The following FRMD4A variants were observed in gnomAD, a reference collection of about 807,000 sequenced individuals.
The protein encoded by FRMD4A is FERM domain-containing protein 4A.
Under a neutral mutation model 129.1 loss-of-function variants are expected in FRMD4A, and 29 were observed. The observed-to-expected ratio is 0.22, with a 90% CI of 0.17 to 0.31. FRMD4A has a LOEUF of 0.31. Ranked by LOEUF, FRMD4A falls within the 10% of genes least tolerant of loss-of-function variation. FRMD4A has a pLI of 1.00. For missense variants in FRMD4A, 1,272 were observed against 1,375.8 expected, an observed-to-expected ratio of 0.92 and a Z score of 1.19; for synonymous variants, 634 against 571.6, an observed-to-expected ratio of 1.11 and a Z score of -1.56.
At chr10:13,839,597 C>G (rs1424930711) in intron 3 of FRMD4A, among the ~76,000 whole-genome samples, 1 of 152,202 alleles carries the variant, frequency 6.6e-6, no homozygotes. Flanking sequence ...TTGTACAACA[C>G]TGAGAGCTTA....
chr10:14,104,533 T>C (rs955182123), intron 2 of FRMD4A, among the ~76,000 whole-genome samples: 2 of 152,262 alleles, frequency 1.3e-5, no homozygotes, highest in African/African-American at 2.4e-5. Flanking sequence ...AGCCTATCTA[T>C]GCCTTCCTGT....
chr10:14,138,957 G>T (rs1178667578), intron 2 of FRMD4A, among the ~76,000 whole-genome samples: 1 of 152,088 alleles, frequency 6.6e-6, no homozygotes, highest in Non-Finnish European at 1.5e-5. Context: ...GGAATGACTG[G>T]CTACCCCTGC....
At chr10:14,035,365 T>C (rs1159155195) in intron 2 of FRMD4A, among the ~76,000 whole-genome samples, 1 of 147,638 alleles carries the variant, frequency 6.8e-6, no homozygotes, top group Non-Finnish European at 1.5e-5. Context: ...TGAGCCAAGA[T>C]CACGCCATTA....
chr10:13,742,917 T>A (rs1360236373), intron 9 of FRMD4A, among the ~76,000 whole-genome samples: 1 of 152,206 alleles, frequency 6.6e-6, no homozygotes, highest in Admixed American at 6.5e-5. Context: ...GGTAACAGGT[T>A]CTACACATTC....
At chr10:14,045,671 T>C (rs11258821) in intron 2 of FRMD4A, among the ~76,000 whole-genome samples, 15,121 of 146,626 alleles carry the variant, frequency 0.1, 829 homozygotes, top group Non-Finnish European at 0.12. Flanking sequence ...TTATGTCATA[T>C]TTATATTATA....
intron 9 of FRMD4A, among the ~76,000 whole-genome samples, chr10:13,747,038 T>C (rs1370916169): frequency 5.3e-5 from 8 of 152,116 alleles, no homozygotes; most frequent in African/African-American, 1.9e-4. Context: ...CCTGTGGTTC[T>C]CCCACGTCTC....
chr10:13,859,950 A>G (rs2094270647), intron 2 of FRMD4A, among the ~76,000 whole-genome samples: 1 of 152,178 alleles, frequency 6.6e-6, no homozygotes, highest in African/African-American at 2.4e-5. Context: ...GTTCGTCTCC[A>G]TGCCCCTGTC....
intron 14 of FRMD4A, among the ~76,000 whole-genome samples, chr10:13,698,226 C>A (rs570091066): frequency 6.6e-6 from 1 of 152,132 alleles, no homozygotes. Flanking sequence ...CTTGCTGACT[C>A]GAACCACTAG....
At chr10:14,134,805 G>A in intron 2 of FRMD4A, among the ~76,000 whole-genome samples, 1 of 152,184 alleles carries the variant, frequency 6.6e-6, no homozygotes, top group East Asian at 1.9e-4. Flanking sequence ...GAGACCCAAG[G>A]AGTGATTGGA....
At chr10:13,741,259 G>C (rs2090991244) in intron 9 of FRMD4A, among the ~76,000 whole-genome samples, 1 of 151,860 alleles carries the variant, frequency 6.6e-6, no homozygotes, top group South Asian at 2.1e-4. Flanking sequence ...AGACCAGCCT[G>C]GGCAACACAG....
At chr10:14,095,607 G>A (rs1424263328) in intron 2 of FRMD4A, among the ~76,000 whole-genome samples, 1 of 152,246 alleles carries the variant, frequency 6.6e-6, no homozygotes, top group African/African-American at 2.4e-5. Flanking sequence ...TTTGCAGCCT[G>A]TGGGCCAGTG....
At chr10:13,894,720 G>T (rs536181472) in intron 2 of FRMD4A, among the ~76,000 whole-genome samples, 2 of 152,324 alleles carry the variant, frequency 1.3e-5, no homozygotes, top group South Asian at 4.1e-4. Flanking sequence ...TTACTCAAAT[G>T]CTGCCTCTTA....
At chr10:14,049,239 G>T (rs1396178563) in intron 2 of FRMD4A, among the ~76,000 whole-genome samples, 2 of 152,180 alleles carry the variant, frequency 1.3e-5, no homozygotes, top group Non-Finnish European at 2.9e-5. Context: ...AATAAACAGA[G>T]CAATTAAACC....
chr10:13,818,611 A>C (rs1488089222), intron 3 of FRMD4A, among the ~76,000 whole-genome samples: 1 of 152,186 alleles, frequency 6.6e-6, no homozygotes, highest in Non-Finnish European at 1.5e-5. Context: ...GTCAGTTAAT[A>C]TATCCTGTCT....
chr10:14,125,769 A>C (rs1838804086), intron 2 of FRMD4A, among the ~76,000 whole-genome samples: 1 of 152,216 alleles, frequency 6.6e-6, no homozygotes, highest in South Asian at 2.1e-4. Context: ...GCGCACACAT[A>C]CACGGCTCCT....
At position 13,885,417 on chromosome 10, in the gene FRMD4A, C is replaced by T. The variant is rs113606466; in HGVS notation, c.46-26505G>A. Among the ~76,000 whole-genome samples the T allele has an allele frequency of 2.0e-3, 310 of 152,326 alleles. 2 individuals are homozygous for T. The highest frequency in any genetic ancestry group is 7.0e-3 in the African/African-American group (290 of 41,564). ...GCAAGATGGCGCCATCCTCCCCTCT[C>T]TGTTTGCCATGCCAGGTTGCACCAC... On this transcript the variant is annotated intron_variant, in intron 2 of 24. Transcript: ENST00000357447.
At chr10:14,205,612 GC>G (rs1429265309) in intron 2 of FRMD4A, among the ~76,000 whole-genome samples, 1 of 151,990 alleles carries the variant, frequency 6.6e-6, no homozygotes, top group Non-Finnish European at 1.5e-5. Context: ...TTCAAGACCA[GC>G]CTGATCAACT....
At chr10:14,125,651 T>C (rs1838790354) in intron 2 of FRMD4A, among the ~76,000 whole-genome samples, 1 of 152,162 alleles carries the variant, frequency 6.6e-6, no homozygotes, top group Non-Finnish European at 1.5e-5. Flanking sequence ...TGCAAATGTG[T>C]ATCTACCACT....
intron 2 of FRMD4A, among the ~76,000 whole-genome samples, chr10:14,023,532 T>C (rs1832857240): frequency 6.6e-6 from 1 of 152,178 alleles, no homozygotes; most frequent in African/African-American, 2.4e-5. Flanking sequence ...AGTGTTGTTC[T>C]TGGATCGAGA....
Sources: gnomAD v4.1 joint callset for allele counts (sites outside exome capture counted in the v4.1 genomes callset) on GRCh38, gnomAD v4.1.1 for gene constraint, MANE v1.5 for transcripts, NCBI Gene and HGNC (gene_info 2026-07-23, HGNC 2026-07-21) for gene names.